Variants in LCP2 observed in about 807,000 individuals in gnomAD.
LCP2 encodes lymphocyte cytosolic protein 2, also known as 76 kDa tyrosine phosphoprotein.
A neutral mutation model predicts 74.5 loss-of-function variants in LCP2; 29 were observed. The ratio of observed to expected loss-of-function variants is 0.39; its 90% confidence interval spans 0.29 to 0.53. The LOEUF (loss-of-function observed/expected upper bound fraction) is 0.53. LCP2 is among the 20% of genes least tolerant of loss of function. LCP2 has a pLI of 0.72. For missense variants in LCP2, 604 were observed against 634.6 expected (o/e 0.95, Z 0.52); for synonymous variants, 228 against 229.5 (o/e 0.99, Z 0.06).
At chr5:170,289,622 TTTC>T in intron 2 of LCP2, among the ~76,000 whole-genome samples, 2 of 67,246 alleles carry the variant, frequency 3.0e-5, no homozygotes, top group Non-Finnish European at 6.4e-5. Context: ...TTTCTTTTTC[TTTC>T]TTTCTTTCTT....
At chr5:170,282,761 T>G (rs1762125624) in intron 3 of LCP2, among the ~76,000 whole-genome samples, 1 of 152,230 alleles carries the variant, frequency 6.6e-6, no homozygotes, top group Non-Finnish European at 1.5e-5. Context: ...ATAAGGAAGC[T>G]GAGGCTCGGA....
chr5:170,283,491 G>A (rs1762136826), intron 3 of LCP2, among the ~76,000 whole-genome samples: 1 of 152,088 alleles, frequency 6.6e-6, no homozygotes. Context: ...ACAGCCCTAG[G>A]GGAGGCTCCT....
At chr5:170,262,148 A>G (rs1054864036) in intron 13 of LCP2, among the ~76,000 whole-genome samples, 1 of 152,148 alleles carries the variant, frequency 6.6e-6, no homozygotes, top group African/African-American at 2.4e-5. Context: ...ATAGGCTGAA[A>G]ACTACTTCAC....
intron 14 of LCP2, among the ~76,000 whole-genome samples, chr5:170,259,782 G>A (rs1761620635): frequency 6.6e-6 from 1 of 152,180 alleles, no homozygotes; most frequent in Admixed American, 6.5e-5. Flanking sequence ...CCAACTGGGA[G>A]TCCCAGCAAA....
intron 3 of LCP2, among the ~76,000 whole-genome samples, chr5:170,282,431 T>C (rs1388883513): frequency 6.6e-6 from 1 of 152,190 alleles, no homozygotes; most frequent in Non-Finnish European, 1.5e-5. Context: ...AAAAGTTAGC[T>C]CTTTTCCCTT....
chr5:170,289,611 C>CCT (rs1331463926), intron 2 of LCP2, among the ~76,000 whole-genome samples: 7 of 143,716 alleles, frequency 4.9e-5, no homozygotes, highest in Non-Finnish European at 9.1e-5. Flanking sequence ...TTCTTTCTTT[C>CCT]TTTCTTTTTC....
intron 16 of LCP2, among the ~76,000 whole-genome samples, chr5:170,257,470 G>A (rs1419328275): frequency 1.3e-5 from 2 of 152,154 alleles, no homozygotes; most frequent in Non-Finnish European, 2.9e-5. Context: ...AGCCTACAGG[G>A]CTGGAGGACT....
Position 170,268,436 on chromosome 5 carries a change from G to A in LCP2, c.570C>T (p.Pro190=). The A allele has an allele frequency of 2.1e-6, 1 of 479,162 alleles. No homozygotes were observed. The highest frequency in any genetic ancestry group is 3.0e-6 in the Non-Finnish European group (1 of 328,804). The allele number at this position is 479,162 out of a possible 1,614,324, so 29.7% of individuals were successfully genotyped here. The change falls in exon 8 of 21, where the codon CCC becomes CCT. Residue 190 remains proline (P), a synonymous_variant. Transcript: ENST00000046794. ...GCGGGAGGGCGGCCATCGGTCTCTG[G>A]GGGGGCACAGGAGGCTGCTGGGGGG... ...GKTPQQPPVP[P]QRPMAALPPP...
intron 17 of LCP2, among the ~76,000 whole-genome samples, chr5:170,255,997 A>G (rs1275307713): frequency 6.6e-6 from 1 of 152,234 alleles, no homozygotes; most frequent in Non-Finnish European, 1.5e-5. Flanking sequence ...CATGCTCCCC[A>G]ACTCACAACC....
intron 8 of LCP2, among the ~76,000 whole-genome samples, chr5:170,267,966 G>C (rs1422924894): frequency 6.6e-6 from 1 of 152,140 alleles, no homozygotes; most frequent in Admixed American, 6.5e-5. Flanking sequence ...CTGTATGCTC[G>C]AAGAAGGAGA....
chr5:170,289,706 T>C (rs1403595348), intron 2 of LCP2, among the ~76,000 whole-genome samples: 48 of 144,652 alleles, frequency 3.3e-4, no homozygotes, highest in Non-Finnish European at 5.0e-4. Flanking sequence ...TCTTTCCTTC[T>C]TTCTTTCTTT....
chr5:170,280,513 A>G (rs1407564509), intron 3 of LCP2, among the ~76,000 whole-genome samples: 2 of 152,038 alleles, frequency 1.3e-5, no homozygotes, highest in Admixed American at 6.6e-5. Flanking sequence ...ATGTTTTAAG[A>G]CTCAGGAAGG....
chr5:170,261,957 C>G (rs1455711342), intron 13 of LCP2, among the ~76,000 whole-genome samples: 1 of 152,164 alleles, frequency 6.6e-6, no homozygotes, highest in Non-Finnish European at 1.5e-5. Flanking sequence ...TGTTATCAAA[C>G]TCCATTACTG....
chr5:170,289,131 A>C (rs906581729), intron 2 of LCP2, among the ~76,000 whole-genome samples: 1 of 152,162 alleles, frequency 6.6e-6, no homozygotes, highest in African/African-American at 2.4e-5. Flanking sequence ...CTTATCTGTA[A>C]AATGGGGACC....
chr5:170,294,407 T>A (rs73800603), intron 1 of LCP2, among the ~76,000 whole-genome samples: 2 of 152,192 alleles, frequency 1.3e-5, no homozygotes, highest in East Asian at 3.8e-4. Flanking sequence ...TCAGCAATCA[T>A]ATGAGGTGCT....
chr5:170,263,990 C>T (rs143787041), intron 10 of LCP2, among the ~76,000 whole-genome samples: 1 of 152,274 alleles, frequency 6.6e-6, no homozygotes, highest in African/African-American at 2.4e-5. Flanking sequence ...ACTCAGGACA[C>T]ATAACATTGC....
chr5:170,259,965 A>T (rs1301210559), intron 14 of LCP2, among the ~76,000 whole-genome samples: 1 of 152,108 alleles, frequency 6.6e-6, no homozygotes, highest in Non-Finnish European at 1.5e-5. Flanking sequence ...TGTTATCCTC[A>T]CTGTCCAGCC....
intron 16 of LCP2, 51 bp downstream of exon 16, chr5:170,257,986 G>T: frequency 6.3e-7 from 1 of 1,587,852 alleles, no homozygotes; most frequent in Non-Finnish European, 8.6e-7. Flanking sequence ...TTCAGTACTG[G>T]ATGGACCTAA....
chr5:170,259,233 C>A lies in LCP2; in HGVS notation c.958-355G>T, dbSNP rs1233105397. On this transcript the variant is annotated intron_variant, in intron 14 of 20. Transcript: ENST00000046794. Reference sequence around the variant, plus strand: ...ATTTCATTCAGTTCCCCTAGTGACCCCCCAAAAATTTAACATCCTCATTTT... The same window carrying A: ...ATTTCATTCAGTTCCCCTAGTGACCACCCAAAAATTTAACATCCTCATTTT... Among the ~76,000 whole-genome samples, 5 of 152,166 alleles carry A rather than the reference C, an allele frequency of 3.3e-5. No individual in the cohort carries two copies. The South Asian group carries it at 8.3e-4, about 25-fold the overall frequency.
Sources: gnomAD v4.1 joint callset for allele counts (sites outside exome capture counted in the v4.1 genomes callset) on GRCh38, gnomAD v4.1.1 for gene constraint, MANE v1.5 for transcripts, NCBI Gene and HGNC (gene_info 2026-07-23, HGNC 2026-07-21) for gene names.